PSMB2: variants seen among roughly 807,000 people sequenced by gnomAD.
PSMB2 encodes the protein proteasome 20S subunit beta 2, also known as proteasome subunit beta type-2.
PSMB2 carries 13 observed loss-of-function variants against 25.7 expected under a neutral mutation model. That is an observed-to-expected ratio of 0.51 (90% CI 0.33 to 0.80). The LOEUF (loss-of-function observed/expected upper bound fraction) is 0.80, where lower values mean the gene tolerates loss of function less well. Ranked by LOEUF, PSMB2 falls within the 30% of genes least tolerant of loss-of-function variation. The pLI, the probability that PSMB2 is intolerant of heterozygous loss-of-function variation, is 0.02. For synonymous variants in PSMB2, 87 were observed against 96.2 expected, an observed-to-expected ratio of 0.90 and a Z score of 0.56; for missense variants, 202 against 259.0, an observed-to-expected ratio of 0.78 and a Z score of 1.51.
At position 35,605,235 on chromosome 1, in the gene PSMB2, C is replaced by T. The variant is rs1650128106; in HGVS notation, c.496G>A (p.Glu166Lys). ...AGGATCCTATGGGAACTACTCACCT[C>T]CTCCAGACATTTCCTAAGGAGTTCC... is the stretch of plus-strand genomic sequence containing the variant. ...AVELLRKCLEELQKRFILNLP... is the reference protein window; with the variant it reads ...AVELLRKCLEKLQKRFILNLP... The change falls in exon 5 of 6, where the codon GAG becomes AAG. Residue 166 changes from glutamate (E) to lysine (K), a missense_variant and splice_region_variant. Physicochemically the swap from Glu to Lys is moderately conservative, Grantham distance 56. Coordinates refer to ENST00000373237, the MANE Select transcript of PSMB2 (RefSeq NM_002794.5). 1 of 1,612,302 alleles carries T rather than the reference C, an allele frequency of 6.2e-7. No homozygotes were observed. The highest frequency in any genetic ancestry group is 1.3e-5 in the African/African-American group (1 of 74,842).
At chr1:35,638,523 A>C (rs954145128) in intron 1 of PSMB2, among the ~76,000 whole-genome samples, 2 of 152,232 alleles carry the variant, frequency 1.3e-5, no homozygotes, top group Non-Finnish European at 2.9e-5. Flanking sequence ...GTGAAATGTT[A>C]ATAATATGAC....
chr1:35,608,717 C>T lies in PSMB2; in HGVS notation c.448+529G>A, dbSNP rs1415968268. On this transcript the variant is annotated intron_variant, in intron 4 of 5. Transcript: ENST00000373237. ...GACGGCTTTTTCTTTCAAGAGGAGG[C>T]AGCCATTAGGTGACAACCAAGGGAA... is the stretch of plus-strand genomic sequence containing the variant. Among the ~76,000 whole-genome samples the T allele has an allele frequency of 2.0e-5, 3 of 152,172 alleles. No individual in the cohort carries two copies. The East Asian group carries it at 5.8e-4, about 29-fold the overall frequency.
chr1:35,630,711 T>C (rs1173592596), intron 3 of PSMB2, among the ~76,000 whole-genome samples: 1 of 152,076 alleles, frequency 6.6e-6, no homozygotes, highest in East Asian at 1.9e-4. Context: ...ATAAGTAGAG[T>C]ACAAAGGATT....
Position 35,600,160 on chromosome 1 carries a change from A to C in PSMB2, c.*3107T>G, listed in dbSNP as rs905209670. 3 of 979,904 alleles carry C rather than the reference A, an allele frequency of 3.1e-6. No individual in the cohort carries two copies. The East Asian group carries it at 3.4e-4, about 112-fold the overall frequency. 60.7% of individuals were successfully genotyped at this position (979,904 alleles called of 1,614,324 possible). ...CCTGTCTCTGAAAAACAACAATAAA[A>C]AATTATAATAAAATTAAAAGATTTA... On this transcript the variant is annotated 3_prime_UTR_variant, in exon 6 of 6. Coordinates refer to ENST00000373237, the MANE Select transcript of PSMB2 (RefSeq NM_002794.5).
intron 5 of PSMB2, among the ~76,000 whole-genome samples, chr1:35,604,509 G>A (rs1650102088): frequency 6.6e-6 from 1 of 152,186 alleles, no homozygotes; most frequent in Admixed American, 6.5e-5. Context: ...GATGGGCGTG[G>A]TGGCTCATGC....
chr1:35,622,146 G>GT (rs1650707092), intron 3 of PSMB2, among the ~76,000 whole-genome samples: 1 of 152,086 alleles, frequency 6.6e-6, no homozygotes, highest in Non-Finnish European at 1.5e-5. Context: ...TTAGGTAACT[G>GT]TTTTTTGGGA....
At chr1:35,613,437 T>C (rs115048800) in intron 3 of PSMB2, among the ~76,000 whole-genome samples, 2,273 of 151,662 alleles carry the variant, frequency 0.015, 60 homozygotes, top group African/African-American at 0.051. Flanking sequence ...GGAGGATCCT[T>C]AAGCCCCGGC....
At chr1:35,627,454 G>A (rs1003431204) in intron 3 of PSMB2, among the ~76,000 whole-genome samples, 7 of 151,820 alleles carry the variant, frequency 4.6e-5, no homozygotes, top group Non-Finnish European at 5.9e-5. Flanking sequence ...CCAGGAGTTC[G>A]GGACCAGCCT....
At chr1:35,616,890 T>C (rs1006488105) in intron 3 of PSMB2, among the ~76,000 whole-genome samples, 8 of 152,206 alleles carry the variant, frequency 5.3e-5, no homozygotes, top group African/African-American at 1.9e-4. Context: ...GGACTTCATA[T>C]GTGAATTGGA....
At position 35,606,972 on chromosome 1, in the gene PSMB2, A is replaced by G. The variant is rs544087093; in HGVS notation, c.449-1690T>C. 2.6e-5 allele frequency among the ~76,000 whole-genome samples: 4 copies of G among 152,306 alleles called. No homozygotes were observed. The East Asian group carries it at 7.7e-4, about 29-fold the overall frequency. ...AAAGGACAGTCTGTCTCTTCAATAA[A>G]TGGTGCTAGAAAAACTGGATATCCA... On this transcript the variant is annotated intron_variant, in intron 4 of 5. Coordinates refer to ENST00000373237, the MANE Select transcript of PSMB2 (RefSeq NM_002794.5).
chr1:35,637,534 T>C (rs7537948), intron 1 of PSMB2, among the ~76,000 whole-genome samples: 5,863 of 152,232 alleles, frequency 0.039, 357 homozygotes, highest in African/African-American at 0.12. Flanking sequence ...CTATCTCACT[T>C]TCACTTTCAC....
chr1:35,631,270 T>C lies in PSMB2; in HGVS notation c.285+4A>G. 1 of 1,612,856 alleles carries C rather than the reference T, an allele frequency of 6.2e-7. No homozygotes were observed. The highest frequency in any genetic ancestry group is 8.5e-7 in the Non-Finnish European group (1 of 1,178,832). On this transcript the variant is annotated splice_donor_region_variant and intron_variant, in intron 3 of 5. Transcript: ENST00000373237. ...TATCTAACAATGTCTGATATATTACTTACCCGACTCCGAAGACAGTCAGCC... is the reference window on the plus strand; with the variant it reads ...TATCTAACAATGTCTGATATATTACCTACCCGACTCCGAAGACAGTCAGCC...
At chr1:35,625,121 G>T (rs1327407240) in intron 3 of PSMB2, among the ~76,000 whole-genome samples, 1 of 151,378 alleles carries the variant, frequency 6.6e-6, no homozygotes, top group Non-Finnish European at 1.5e-5. Context: ...CAGCTTCACA[G>T]AATAAAGTTT....
At chr1:35,605,324 T>C (rs772323679) in intron 4 of PSMB2, 42 bp from the exon 5 acceptor site, 14 of 1,578,716 alleles carry the variant, frequency 8.9e-6, no homozygotes, top group Non-Finnish European at 1.2e-5. Context: ...GGTGCTGTCA[T>C]TATATCCAAC....
intron 3 of PSMB2, among the ~76,000 whole-genome samples, chr1:35,628,631 A>ATATATATATATATATATT (rs1202256440): frequency 2.6e-5 from 1 of 38,086 alleles, no homozygotes; most frequent in Non-Finnish European, 4.0e-5. Flanking sequence ...ATATATATAT[A>ATATATATATATATATATT]TTTTTTTTTT....
At chr1:35,625,700 T>G (rs1650836614) in intron 3 of PSMB2, among the ~76,000 whole-genome samples, 2 of 150,180 alleles carry the variant, frequency 1.3e-5, no homozygotes, top group Non-Finnish European at 3.0e-5. Flanking sequence ...AGGTGGAGCT[T>G]GCAGTGAGCC....
At chr1:35,638,104 AG>A (rs1651295937) in intron 1 of PSMB2, among the ~76,000 whole-genome samples, 2 of 152,224 alleles carry the variant, frequency 1.3e-5, no homozygotes, top group African/African-American at 4.8e-5. Context: ...TGTCACACTT[AG>A]AAGAAAGGCT....
chr1:35,608,497 A>G (rs1479361075), intron 4 of PSMB2, among the ~76,000 whole-genome samples: 1 of 152,230 alleles, frequency 6.6e-6, no homozygotes, highest in Non-Finnish European at 1.5e-5. Context: ...AATGTTCCCA[A>G]CACAAAATGA....
At chr1:35,640,818 T>C (rs562442678) in intron 1 of PSMB2, among the ~76,000 whole-genome samples, 70 of 152,224 alleles carry the variant, frequency 4.6e-4, no homozygotes, top group African/African-American at 1.6e-3. Context: ...ACTGATTCCC[T>C]TTAGGCAACT....
Sources: gnomAD v4.1 joint callset for allele counts (sites outside exome capture counted in the v4.1 genomes callset) on GRCh38, gnomAD v4.1.1 for gene constraint, MANE v1.5 for transcripts, NCBI Gene and HGNC (gene_info 2026-07-23, HGNC 2026-07-21) for gene names.